TJP1: variants seen among roughly 807,000 people sequenced by gnomAD.
TJP1 encodes tight junction protein 1.
Under a neutral mutation model 194.2 loss-of-function variants are expected in TJP1, and 43 were observed. The observed-to-expected ratio is 0.22, with a 90% CI of 0.17 to 0.29. The LOEUF (loss-of-function observed/expected upper bound fraction) is 0.29. Ranked by LOEUF, TJP1 falls within the 10% of genes least tolerant of loss-of-function variation. The pLI, the probability that TJP1 is intolerant of heterozygous loss-of-function variation, is 1.00. For synonymous variants in TJP1, 801 were observed against 779.0 expected (o/e 1.03, Z -0.47); for missense variants, 1,971 against 2,185.7 (o/e 0.90, Z 1.96).
At chr15:29,963,188 C>T (rs562893136) in intron 1 of TJP1, among the ~76,000 whole-genome samples, 20 of 144,458 alleles carry the variant, frequency 1.4e-4, no homozygotes, top group African/African-American at 4.9e-4. Context: ...GAGCCCTTCA[C>T]GTCCCAACAG....
chr15:29,879,313 G>A (rs571737926), intron 2 of TJP1, among the ~76,000 whole-genome samples: 1 of 152,134 alleles, frequency 6.6e-6, no homozygotes, highest in African/African-American at 2.4e-5. Flanking sequence ...GGGAACAGAC[G>A]GACGGCAAGG....
In TJP1 at chr15:29,718,335, C is replaced by A; in HGVS notation, c.3807G>T (p.Lys1269Asn). ...MKPQSVLTRVKMFENKRSASL... is the reference protein window; with the variant it reads ...MKPQSVLTRVNMFENKRSASL... ...ATGCAGATCTTTTGTTTTCAAACAT[C>A]TTAACTCTGGTGAGTACAGACTGTG... The change falls in exon 21 of 28, where the codon AAG becomes AAT. Residue 1269 changes from lysine (K) to asparagine (N), a missense_variant. Lys to Asn is a moderately conservative substitution (Grantham distance 94). Transcript: ENST00000614355. 1 of 1,614,112 alleles carries A rather than the reference C, an allele frequency of 6.2e-7. No individual in the cohort carries two copies. Among genetic ancestry groups the A allele is most frequent in the Non-Finnish European group, 8.5e-7 (1 of 1,180,014 alleles).
At chr15:29,790,323 T>C (rs1399377605) in intron 2 of TJP1, among the ~76,000 whole-genome samples, 1 of 152,244 alleles carries the variant, frequency 6.6e-6, no homozygotes, top group Non-Finnish European at 1.5e-5. Context: ...ATGAAGTCAA[T>C]TAAGTTATGC....
At chr15:29,808,740 T>C (rs1281431019) in intron 1 of TJP1, among the ~76,000 whole-genome samples, 1 of 152,152 alleles carries the variant, frequency 6.6e-6, no homozygotes, top group Non-Finnish European at 1.5e-5. Flanking sequence ...GTTTCTTTTT[T>C]TAGAAGCACT....
At chr15:29,859,552 G>A (rs79549115) in intron 2 of TJP1, among the ~76,000 whole-genome samples, 7,289 of 152,188 alleles carry the variant, frequency 0.048, 613 homozygotes, top group African/African-American at 0.17. Flanking sequence ...CAGTCATTGT[G>A]GGTGCTCCCA....
intron 5 of TJP1, among the ~76,000 whole-genome samples, chr15:29,763,690 C>G (rs892274733): frequency 6.7e-6 from 1 of 148,440 alleles, no homozygotes; most frequent in Non-Finnish European, 1.5e-5. Flanking sequence ...CTGCTTGAAC[C>G]TGGGAGGCAG....
chr15:29,933,857 C>T (rs145684614), intron 2 of TJP1, among the ~76,000 whole-genome samples: 1 of 152,174 alleles, frequency 6.6e-6, no homozygotes, highest in African/African-American at 2.4e-5. Flanking sequence ...TCATCTGACA[C>T]AGGAGAAAAG....
At chr15:29,906,862 G>A (rs191733818) in intron 2 of TJP1, among the ~76,000 whole-genome samples, 3 of 152,122 alleles carry the variant, frequency 2.0e-5, no homozygotes, top group Non-Finnish European at 4.4e-5. Context: ...TTACAGGCAT[G>A]AGCCACTGTG....
intron 2 of TJP1, among the ~76,000 whole-genome samples, chr15:29,894,487 G>C (rs72721152): frequency 0.1 from 15,836 of 152,198 alleles, 1,059 homozygotes; most frequent in East Asian, 0.24. Context: ...ATTGAAAAAA[G>C]CATACACATA....
intron 2 of TJP1, among the ~76,000 whole-genome samples, chr15:29,901,559 C>T (rs1331298383): frequency 6.6e-6 from 1 of 152,182 alleles, no homozygotes; most frequent in Non-Finnish European, 1.5e-5. Context: ...CCATGGCTCA[C>T]ACCTGTAATC....
intron 2 of TJP1, among the ~76,000 whole-genome samples, chr15:29,949,610 T>TCCACCACCACCACC (rs2055526302): frequency 4.4e-5 from 1 of 22,924 alleles, no homozygotes; most frequent in African/African-American, 1.6e-4. Context: ...CACCTCCACC[T>TCCACCACCACCACC]TCACCACCAC....
At chr15:29,907,490 T>C (rs1400664894) in intron 2 of TJP1, among the ~76,000 whole-genome samples, 2 of 152,206 alleles carry the variant, frequency 1.3e-5, no homozygotes, top group Non-Finnish European at 2.9e-5. Context: ...AACACTACAC[T>C]ATTAATACTG....
intron 2 of TJP1, among the ~76,000 whole-genome samples, chr15:29,955,704 T>C (rs1448117107): frequency 1.5e-5 from 2 of 136,036 alleles, no homozygotes; most frequent in Non-Finnish European, 3.0e-5. Flanking sequence ...TGAGCCATGA[T>C]TGCACCACTG....
chr15:29,812,272 C>G (rs2049576709), intron 1 of TJP1, among the ~76,000 whole-genome samples: 1 of 152,176 alleles, frequency 6.6e-6, no homozygotes, highest in African/African-American at 2.4e-5. Flanking sequence ...CACGGGTGTT[C>G]ACTTTATAAT....
intron 2 of TJP1, among the ~76,000 whole-genome samples, chr15:29,872,714 C>T (rs1228078964): frequency 6.6e-6 from 1 of 152,168 alleles, no homozygotes; most frequent in Non-Finnish European, 1.5e-5. Context: ...GCATTAGGCC[C>T]CTTCATACAA....
At chr15:29,888,003 A>G (rs546560430) in intron 2 of TJP1, among the ~76,000 whole-genome samples, 225 of 152,308 alleles carry the variant, frequency 1.5e-3, no homozygotes, top group African/African-American at 5.3e-3. Flanking sequence ...TCTGTGTACA[A>G]AGATGCTCTT....
At chr15:29,773,381 T>C in intron 2 of TJP1, 24 bp from the exon 3 acceptor site, 3 of 1,610,678 alleles carry the variant, frequency 1.9e-6, no homozygotes, top group Non-Finnish European at 1.7e-6. Context: ...TACAGTAAAA[T>C]ATTGCTATTA....
At chr15:29,836,890 C>G (rs2051052250) in intron 2 of TJP1, among the ~76,000 whole-genome samples, 1 of 152,198 alleles carries the variant, frequency 6.6e-6, no homozygotes, top group African/African-American at 2.4e-5. Context: ...AAAGTGCCAA[C>G]TTGGAAGCAG....
Position 29,746,300 on chromosome 15 carries a change from C to G in TJP1, c.1011-3519G>C, listed in dbSNP as rs900070523. Among the ~76,000 whole-genome samples, 8 of 152,122 alleles carry G rather than the reference C, an allele frequency of 5.3e-5. No individual in the cohort carries two copies. In the East Asian group the frequency reaches 1.4e-3, roughly 26 times the overall value. ...GGCTGAGGCAGGAGAATGGCGTGAA[C>G]CCGGGAGGCGGAGCTTGCAGTGAGC... On this transcript the variant is annotated intron_variant, in intron 8 of 27. Transcript: ENST00000614355.
Sources: allele counts gnomAD v4.1 joint callset (sites outside exome capture counted in the v4.1 genomes callset), GRCh38; gene constraint gnomAD v4.1.1; transcripts MANE v1.5; gene names NCBI Gene and HGNC (gene_info 2026-07-23, HGNC 2026-07-21).